Variants in NIPBL observed in about 807,000 individuals in gnomAD.
NIPBL encodes the protein nipped-B-like protein.
In NIPBL, 19 loss-of-function variants were observed where a neutral mutation model predicts 321.8. The ratio of observed to expected loss-of-function variants is 0.06; its 90% confidence interval spans 0.04 to 0.09. NIPBL has a LOEUF of 0.09. Ranked by LOEUF, NIPBL falls within the 10% of genes least tolerant of loss-of-function variation. NIPBL has a pLI of 1.00. For synonymous variants in NIPBL, 1,106 were observed against 1,114.1 expected, an observed-to-expected ratio of 0.99 and a Z score of 0.14; for missense variants, 2,210 against 3,327.0, an observed-to-expected ratio of 0.66 and a Z score of 8.26.
In NIPBL at chr5:36,924,808, C is replaced by A. The variant is rs1015497661; in HGVS notation, c.-79-28810C>A. On this transcript the variant is annotated intron_variant, in intron 1 of 46. Coordinates refer to ENST00000282516, the MANE Select transcript of NIPBL (RefSeq NM_133433.4). ...CATCTCACATTCCCTTTTAAGATTTCCTTGTCCTATCCCCACCCCAGACGT... is the reference window on the plus strand; with the variant it reads ...CATCTCACATTCCCTTTTAAGATTTACTTGTCCTATCCCCACCCCAGACGT... Among the ~76,000 whole-genome samples the A allele has an allele frequency of 2.6e-5, 4 of 152,114 alleles. No homozygotes were observed. In the South Asian group the frequency reaches 6.2e-4, roughly 24 times the overall value.
Position 36,929,913 on chromosome 5 carries a change from C to T in NIPBL, c.-79-23705C>T, listed in dbSNP as rs117091159. ...AAATACAAAGATTTATTTCTGGACT[C>T]TAGATTCTCTTCATTGATCAATCCG... On this transcript the variant is annotated intron_variant, in intron 1 of 46. Coordinates refer to ENST00000282516, the MANE Select transcript of NIPBL (RefSeq NM_133433.4). 6.6e-4 allele frequency among the ~76,000 whole-genome samples: 100 copies of T among 152,092 alleles called. 2 individuals carry two copies. In the East Asian group the frequency reaches 0.018, roughly 27 times the overall value.
At position 36,985,630 on chromosome 5, in the gene NIPBL, A is replaced by G; in HGVS notation, c.2450A>G (p.Asp817Gly). 1 of 1,613,960 alleles carries G rather than the reference A, an allele frequency of 6.2e-7. No individual in the cohort carries two copies. Among genetic ancestry groups the G allele is most frequent in the Non-Finnish European group, 8.5e-7 (1 of 1,179,964 alleles). ...GRSVSESLRR[D>G]HDNKQKSDDR... is the part of the protein sequence containing the mutation. ...TCTGTTTCTGAGTCACTAAGACGTG[A>G]CCATGATAATAAACAAAAATCAGAT... Residue 817 changes from aspartate (D) to glycine (G), a missense_variant, in exon 10 of 47, where the codon GAC becomes GGC. Asp to Gly is a moderately conservative substitution (Grantham distance 94, BLOSUM62 -1). Transcript: ENST00000282516.
At chr5:37,048,340 C>T (rs1303695935) in intron 38 of NIPBL, among the ~76,000 whole-genome samples, 162 bp from the exon 39 acceptor site, 1 of 152,192 alleles carries the variant, frequency 6.6e-6, no homozygotes, top group East Asian at 1.9e-4. Flanking sequence ...AGTACCTGCT[C>T]TAATGCTTCT....
At chr5:36,978,181 T>C (rs1743723928) in intron 9 of NIPBL, among the ~76,000 whole-genome samples, 1 of 152,018 alleles carries the variant, frequency 6.6e-6, no homozygotes, top group Admixed American at 6.6e-5. Context: ...GAAATCTCCA[T>C]ACTGTTTTTC....
At chr5:37,001,159 A>T in intron 14 of NIPBL, 81 bp downstream of exon 14, 1 of 916,540 alleles carries the variant, frequency 1.1e-6, no homozygotes, top group Non-Finnish European at 1.8e-6. Flanking sequence ...TACTCTAGTG[A>T]TGTGTCCTAC....
chr5:36,969,609 A>G (rs906857730), intron 6 of NIPBL, among the ~76,000 whole-genome samples: 1 of 152,224 alleles, frequency 6.6e-6, no homozygotes, highest in Non-Finnish European at 1.5e-5. Flanking sequence ...ACATGGGTTA[A>G]AGACCTAACT....
At chr5:36,991,431 A>G (rs1188174830) in intron 10 of NIPBL, among the ~76,000 whole-genome samples, 2 of 152,138 alleles carry the variant, frequency 1.3e-5, no homozygotes, top group Non-Finnish European at 2.9e-5. Context: ...AATTTTTTAA[A>G]ATAAATCTTT....
rs1752057932 is a variant in NIPBL at position 37,039,259 on chromosome 5, T to C, written c.6108+521T>C. Among the ~76,000 whole-genome samples the C allele has an allele frequency of 4.0e-5, 6 of 151,278 alleles. No individual in the cohort carries two copies. In the South Asian group the frequency reaches 1.2e-3, roughly 31 times the overall value. On this transcript the variant is annotated intron_variant, in intron 34 of 46. Coordinates refer to ENST00000282516, the MANE Select transcript of NIPBL (RefSeq NM_133433.4). ...GCACCTAAGGAAATTGTTGATATGC[T>C]TTATATTTTTCATACAGTCTTTTTT...
chr5:36,952,501 AC>A (rs1310410113), intron 1 of NIPBL, among the ~76,000 whole-genome samples: 3 of 152,322 alleles, frequency 2.0e-5, no homozygotes, highest in Middle Eastern at 3.4e-3. Context: ...TTATCTACTT[AC>A]AAAAAAGGAC....
intron 1 of NIPBL, among the ~76,000 whole-genome samples, chr5:36,939,222 T>G (rs905173065): frequency 3.9e-5 from 6 of 152,266 alleles, no homozygotes; most frequent in Admixed American, 3.3e-4. Flanking sequence ...AGACTATTCT[T>G]GAACTCTTGG....
intron 33 of NIPBL, 71 bp from the exon 34 acceptor site, chr5:37,038,531 A>G (rs1442738303): frequency 1.4e-6 from 2 of 1,404,644 alleles, no homozygotes; most frequent in Non-Finnish European, 2.0e-6. Flanking sequence ...TAAGTAATTT[A>G]AATAATATTC....
chr5:37,015,962 T>G (rs536665951), intron 22 of NIPBL, 76 bp from the exon 23 acceptor site: 1 of 1,464,206 alleles, frequency 6.8e-7, no homozygotes, highest in East Asian at 2.3e-5. Context: ...GCTAACAATT[T>G]CAATCATGTT....
chr5:37,027,780 G>A (rs887204077), intron 32 of NIPBL, among the ~76,000 whole-genome samples: 3 of 151,366 alleles, frequency 2.0e-5, no homozygotes, highest in African/African-American at 4.9e-5. Context: ...CACCACACTC[G>A]GCTAATTTTT....
At chr5:37,023,445 C>T (rs1193125489) in intron 29 of NIPBL, among the ~76,000 whole-genome samples, 1 of 152,134 alleles carries the variant, frequency 6.6e-6, no homozygotes, top group East Asian at 1.9e-4. Context: ...GTACAGTGAA[C>T]ACCCTTGTAC....
Position 37,009,990 on chromosome 5 carries a change from T to G in NIPBL, c.4422-97T>G. 4.2e-6 allele frequency: 4 copies of G among 945,322 alleles called. No individual in the cohort carries two copies. In the South Asian group the frequency reaches 5.5e-5, roughly 13 times the overall value. 58.6% of individuals were successfully genotyped at this position (945,322 alleles called of 1,614,324 possible). ...TAAGCACTAAGATCATGCCTAGAAATATTGGCAAACACAGTATCGTGAAAC... is the reference window on the plus strand; with the variant it reads ...TAAGCACTAAGATCATGCCTAGAAAGATTGGCAAACACAGTATCGTGAAAC... On this transcript the variant is annotated intron_variant, in intron 20 of 46. Transcript: ENST00000282516.
intron 40 of NIPBL, among the ~76,000 whole-genome samples, chr5:37,050,157 C>CT (rs916973501): frequency 4.7e-5 from 7 of 149,394 alleles, no homozygotes; most frequent in African/African-American, 7.4e-5. Flanking sequence ...GCCTTTTAAA[C>CT]TTTTTTTTTT....
chr5:36,898,703 G>A (rs952270241), intron 1 of NIPBL, among the ~76,000 whole-genome samples: 4 of 152,010 alleles, frequency 2.6e-5, no homozygotes, highest in African/African-American at 9.7e-5. Flanking sequence ...CAGAGATGGG[G>A]TTTCTCCATG....
At chr5:36,941,377 T>G (rs755190734) in intron 1 of NIPBL, among the ~76,000 whole-genome samples, 1 of 152,086 alleles carries the variant, frequency 6.6e-6, no homozygotes, top group Non-Finnish European at 1.5e-5. Flanking sequence ...AATAAAAGTC[T>G]CCTGTAACAT....
chr5:36,938,119 G>A (rs1419945635), intron 1 of NIPBL, among the ~76,000 whole-genome samples: 1 of 152,104 alleles, frequency 6.6e-6, no homozygotes, highest in East Asian at 1.9e-4. Flanking sequence ...GTTTTAGTGG[G>A]CGTGACATGA....
Sources: allele counts gnomAD v4.1 joint callset (sites outside exome capture counted in the v4.1 genomes callset), GRCh38; gene constraint gnomAD v4.1.1; transcripts MANE v1.5; gene names NCBI Gene and HGNC (gene_info 2026-07-23, HGNC 2026-07-21).